The following NEMF variants were observed in gnomAD, a reference collection of about 807,000 sequenced individuals.
NEMF encodes the protein ribosome quality control complex subunit NEMF.
NEMF carries 89 observed loss-of-function variants against 162.2 expected under a neutral mutation model. That is an observed-to-expected ratio of 0.55 (90% confidence interval 0.46 to 0.65). The LOEUF (loss-of-function observed/expected upper bound fraction) is 0.65. NEMF is among the 30% of genes least tolerant of loss of function. The pLI is 0.00. For missense variants in NEMF, 1,133 were observed against 1,261.9 expected (o/e 0.90, Z 1.55); for synonymous variants, 421 against 404.5 (o/e 1.04, Z -0.49).
intron 18 of NEMF, among the ~76,000 whole-genome samples, chr14:49,812,829 G>T (rs1027607444): frequency 6.6e-6 from 1 of 151,196 alleles, no homozygotes; most frequent in African/African-American, 2.4e-5. Flanking sequence ...GTCTCGCCCT[G>T]TCGCCCAGGC....
At chr14:49,839,722 A>C (rs536317638) in intron 5 of NEMF, 36 of 152,342 alleles carry the variant, frequency 2.4e-4, no homozygotes, top group Non-Finnish European at 4.0e-4. Context: ...TAAAAAACAC[A>C]TTGGGCTTGC....
rs36032176 is a variant in NEMF at position 49,791,000 on chromosome 14, C to CA, written c.2620-1428dup. Among the ~76,000 whole-genome samples, 422 of 151,230 alleles carry CA rather than the reference C, an allele frequency of 2.8e-3. 3 individuals are homozygous for CA. The highest frequency in any genetic ancestry group is 9.9e-3 in the African/African-American group (407 of 41,268). On this transcript the variant is annotated intron_variant, in intron 26 of 32. Coordinates refer to ENST00000298310, the MANE Select transcript of NEMF (RefSeq NM_004713.6). ...AAGAGTAAAACTCTGTCTCAAAAAA[C>CA]AAAAAAAATGTCAAGTGGGGATATT...
At chr14:49,836,923 G>A (rs1277342987) in intron 6 of NEMF, among the ~76,000 whole-genome samples, 2 of 152,172 alleles carry the variant, frequency 1.3e-5, no homozygotes, top group Non-Finnish European at 2.9e-5. Context: ...CTGTATAGCT[G>A]TCACATAAGG....
intron 11 of NEMF, among the ~76,000 whole-genome samples, chr14:49,830,291 A>G (rs975074590): frequency 3.9e-5 from 6 of 152,236 alleles, no homozygotes; most frequent in South Asian, 2.1e-4. Flanking sequence ...TGGTAATTAC[A>G]TGATGTATAT....
At chr14:49,852,544 G>C in intron 1 of NEMF, 151 bp downstream of exon 1, 1 of 780,986 alleles carries the variant, frequency 1.3e-6, no homozygotes, top group Non-Finnish European at 2.1e-6. Flanking sequence ...TCACGGGAAA[G>C]ACACCACACG....
At chr14:49,811,113 G>A (rs2139893042) in intron 18 of NEMF, among the ~76,000 whole-genome samples, 1 of 152,244 alleles carries the variant, frequency 6.6e-6, no homozygotes, top group Non-Finnish European at 1.5e-5. Flanking sequence ...TCCAATTTAG[G>A]TCTTTAATTC....
chr14:49,842,899 G>A (rs932903577), intron 4 of NEMF, among the ~76,000 whole-genome samples: 2 of 151,778 alleles, frequency 1.3e-5, no homozygotes, highest in African/African-American at 2.4e-5. Context: ...CCAGCTACTC[G>A]GGAGGCTAAG....
intron 18 of NEMF, among the ~76,000 whole-genome samples, chr14:49,811,565 T>C (rs1167636824): frequency 6.6e-6 from 1 of 152,206 alleles, no homozygotes; most frequent in Non-Finnish European, 1.5e-5. Flanking sequence ...TAAGTATGAT[T>C]GTTAGCTGTC....
intron 4 of NEMF, among the ~76,000 whole-genome samples, chr14:49,841,598 A>AAAAT (rs2140010619): frequency 6.6e-6 from 1 of 151,944 alleles, no homozygotes; most frequent in African/African-American, 2.4e-5. Flanking sequence ...AAAAAAAAAA[A>AAAAT]AATTGAGAAA....
chr14:49,834,768 C>A (rs553881098), intron 6 of NEMF, among the ~76,000 whole-genome samples: 361 of 152,328 alleles, frequency 2.4e-3, no homozygotes, highest in Non-Finnish European at 4.1e-3. Flanking sequence ...CAGGTGTGGG[C>A]CACCATGACC....
At position 49,823,805 on chromosome 14, in the gene NEMF, T is replaced by C. The variant is rs576171795; in HGVS notation, c.1577+2062A>G. 2.6e-5 allele frequency among the ~76,000 whole-genome samples: 4 copies of C among 152,142 alleles called. No homozygotes were observed. The East Asian group carries it at 5.8e-4, about 22-fold the overall frequency. The stretch of plus-strand genomic sequence containing the variant: ...CCCCAATTGTAAAATTTTGAAAAAT[T>C]TGGAGAAAAAATTGGGAGGGGAGAA... On this transcript the variant is annotated intron_variant, in intron 16 of 32. Coordinates refer to ENST00000298310, the MANE Select transcript of NEMF (RefSeq NM_004713.6).
At chr14:49,846,903 TGA>T (rs1374908461) in intron 3 of NEMF, among the ~76,000 whole-genome samples, 1 of 152,242 alleles carries the variant, frequency 6.6e-6, no homozygotes, top group Non-Finnish European at 1.5e-5. Context: ...TACTTTATTT[TGA>T]GAGAGAGTCT....
chr14:49,782,783 C>G lies in NEMF; in HGVS notation c.*1853G>C, dbSNP rs188187880. The G allele has an allele frequency of 3.2e-6, 5 of 1,584,600 alleles. No homozygotes were observed. The highest frequency in any genetic ancestry group is 4.3e-6 in the Non-Finnish European group (5 of 1,168,740). On this transcript the variant is annotated 3_prime_UTR_variant, in exon 33 of 33. Coordinates refer to ENST00000298310, the MANE Select transcript of NEMF (RefSeq NM_004713.6). ...GTAGTTTTTCAAGTGAATGTACTTC[C>G]AAACAGTAAAGTGAAATTACTTTTC...
intron 28 of NEMF, among the ~76,000 whole-genome samples, chr14:49,788,276 CAAAAA>C (rs35896786): frequency 2.5e-5 from 2 of 78,562 alleles, no homozygotes; most frequent in Non-Finnish European, 4.7e-5. Context: ...AAGACTGCCT[CAAAAA>C]AAAAAAAAAA....
chr14:49,802,634 A>T (rs1891009071), intron 21 of NEMF, 35 bp downstream of exon 21: 1 of 1,611,390 alleles, frequency 6.2e-7, no homozygotes, highest in African/African-American at 1.3e-5. Context: ...AAATCAGGAA[A>T]AAAACAAATA....
chr14:49,813,662 G>GGTGTGTGTGTGTGT (rs57660068), intron 18 of NEMF, among the ~76,000 whole-genome samples: 7 of 148,570 alleles, frequency 4.7e-5, no homozygotes, highest in African/African-American at 1.7e-4. Flanking sequence ...TTTTTTATTA[G>GGTGTGTGTGTGTGT]GTGTGTGTGT....
chr14:49,794,905 G>A (rs1594732793), intron 26 of NEMF, among the ~76,000 whole-genome samples: 3 of 151,932 alleles, frequency 2.0e-5, no homozygotes, highest in East Asian at 3.9e-4. Context: ...ATTTAGTAGA[G>A]ATAGGGTTCA....
chr14:49,838,709 C>T (rs1214369199), intron 5 of NEMF, among the ~76,000 whole-genome samples: 3 of 151,610 alleles, frequency 2.0e-5, no homozygotes, highest in Admixed American at 6.6e-5. Context: ...CTCAGCCTCC[C>T]GAGTAGCTAG....
Position 49,795,918 on chromosome 14 carries a change from C to T in NEMF, c.2492G>A (p.Ser831Asn), listed in dbSNP as rs758140977. ...RREMKKKKLP[S>N]DSGDLEALEG... is the part of the protein sequence containing the mutation. ...TAACGCTTCTAAATCTCCTGAGTCACTTGGAAGTTTTTTCTTTTTCATTTC... is the reference window on the plus strand; with the variant it reads ...TAACGCTTCTAAATCTCCTGAGTCATTTGGAAGTTTTTTCTTTTTCATTTC... Residue 831 changes from serine to asparagine, a missense_variant, in exon 26 of 33, where the codon AGT becomes AAT. This residue lies in a region of NEMF where 532 missense variants were observed against 578.6 expected (regional missense o/e 0.92). Coordinates refer to ENST00000298310, the MANE Select transcript of NEMF (RefSeq NM_004713.6). 6.2e-7 allele frequency: 1 copy of T among 1,600,114 alleles called. No individual in the cohort carries two copies. Among genetic ancestry groups the T allele is most frequent in the Non-Finnish European group, 8.5e-7 (1 of 1,176,292 alleles).
Sources: allele counts gnomAD v4.1 joint callset (sites outside exome capture counted in the v4.1 genomes callset), GRCh38; gene constraint gnomAD v4.1.1; regional missense constraint gnomAD v4.1.1; transcripts MANE v1.5; gene names NCBI Gene and HGNC (gene_info 2026-07-23, HGNC 2026-07-21).